ARID1B: variants seen among roughly 807,000 people sequenced by gnomAD.
ARID1B encodes the protein AT-rich interaction domain 1B.
In ARID1B, 30 loss-of-function variants were observed where a neutral mutation model predicts 212.3. That is an observed-to-expected ratio of 0.14 (90% CI 0.11 to 0.19). ARID1B has a LOEUF of 0.19. Among genes scored for constraint, ARID1B ranks in the 10% least tolerant of loss-of-function variants. ARID1B has a pLI of 1.00. For synonymous variants in ARID1B, 1,402 were observed against 1,301.7 expected (o/e 1.08, Z -1.66); for missense variants, 2,891 against 3,204.0 (o/e 0.90, Z 2.36).
Position 156,935,575 on chromosome 6 carries a change from C to T in ARID1B, c.2246C>T (p.Pro749Leu), listed in dbSNP as rs559304585. 3.1e-6 allele frequency: 5 copies of T among 1,601,376 alleles called. No homozygotes were observed. The African/African-American group carries it at 5.4e-5, about 17-fold the overall frequency. ...LIQQERPSSL[P>L]DLSGSIDDLP... ...CAGCAAGAAAGACCATCAAGTTTAC[C>T]AGTAAGACATTATTGTGCTGATTTG... The change falls in exon 4 of 20, where the codon CCA (proline) becomes CTA (leucine). Residue 749 changes from proline to leucine, a missense_variant and splice_region_variant. Pro to Leu is a moderately conservative substitution (Grantham distance 98, BLOSUM62 -3). Around this residue, in one of 7 missense-constraint regions of ARID1B, gnomAD observed 1,643 missense variants for 1,544.0 expected, o/e 1.06. Coordinates refer to ENST00000636930, the MANE Select transcript of ARID1B (RefSeq NM_001374828.1).
At chr6:156,836,638 G>GT (rs1268444923) in intron 2 of ARID1B, among the ~76,000 whole-genome samples, 3 of 152,068 alleles carry the variant, frequency 2.0e-5, no homozygotes, top group Non-Finnish European at 4.4e-5. Context: ...GTAATATTAA[G>GT]TGAATGTCTT....
Position 157,201,019 on chromosome 6 carries a change from C to T in ARID1B, c.4794C>T (p.Tyr1598=). Reference sequence around the variant, plus strand: ...CACGCAATGATATGCCTTATCCCTACCAGAACAGGCAGGGCCCTGGCGGCC... The same window carrying T: ...CACGCAATGATATGCCTTATCCCTATCAGAACAGGCAGGGCCCTGGCGGCC... ...WAARNDMPYP[Y]QNRQGPGGPT... is the part of the protein sequence containing the mutation. Residue 1598 remains tyrosine, a synonymous_variant, in exon 18 of 20, where the codon TAC becomes TAT. Coordinates refer to ENST00000636930, the MANE Select transcript of ARID1B (RefSeq NM_001374828.1). The surrounding 1 kb of genome is among the most constrained non-coding windows in gnomAD (Gnocchi z 5.2). 6.2e-7 allele frequency: 1 copy of T among 1,613,930 alleles called. No individual in the cohort carries two copies. Among genetic ancestry groups the T allele is most frequent in the Non-Finnish European group, 8.5e-7 (1 of 1,179,834 alleles).
rs1040464523 is a variant in ARID1B at position 157,207,678 on chromosome 6, C to T, written c.6906C>T (p.Leu2302=). ...AGTACCAGCAGAGCCAGCACAACCT[C>T]ATGCACATGCAGCCCCCGCCCCTGG... ...MAQYQQSQHN[L]MHMQPPPLEP... The change falls in exon 20 of 20, where the codon CTC becomes CTT. Residue 2302 remains leucine (L), a synonymous_variant. Coordinates refer to ENST00000636930, the MANE Select transcript of ARID1B (RefSeq NM_001374828.1). The surrounding 1 kb of genome is among the most constrained non-coding windows in gnomAD (Gnocchi z 8.5). The T allele has an allele frequency of 1.9e-6, 3 of 1,611,244 alleles. No individual in the cohort carries two copies. Among genetic ancestry groups the T allele is most frequent in the Non-Finnish European group, 2.5e-6 (3 of 1,177,656 alleles).
chr6:157,081,890 A>G (rs998925416), intron 4 of ARID1B, among the ~76,000 whole-genome samples: 9 of 152,188 alleles, frequency 5.9e-5, no homozygotes, highest in African/African-American at 1.7e-4. Context: ...GTTTAACTTC[A>G]TATATAGTAT....
chr6:157,206,778 C>T lies in ARID1B; in HGVS notation c.6006C>T (p.Asp2002=), dbSNP rs532832962. Residue 2002 remains aspartate (D), a synonymous_variant, in exon 20 of 20, where the codon GAC becomes GAT. Transcript: ENST00000636930. The surrounding 1 kb of genome is among the most constrained non-coding windows in gnomAD (Gnocchi z 6.8). ...AAAGCATCATAGCAACCATCGATGA[C>T]GTCCTCTCTGCTCGGCCAGGGGCAT... The part of the protein sequence containing the change: ...QEKSIIATID[D]VLSARPGALP... 1.9e-5 allele frequency: 31 copies of T among 1,613,802 alleles called. No individual in the cohort carries two copies. The highest frequency in any genetic ancestry group is 1.6e-4 in the Middle Eastern group (1 of 6,062).
chr6:156,979,697 G>T (rs1424886400), intron 4 of ARID1B, among the ~76,000 whole-genome samples: 2 of 151,842 alleles, frequency 1.3e-5, no homozygotes, highest in Non-Finnish European at 2.9e-5. Context: ...AGCTGGGACT[G>T]CAGGCGTGCA....
At chr6:156,797,206 C>A (rs1040599879) in intron 1 of ARID1B, among the ~76,000 whole-genome samples, 6 of 152,190 alleles carry the variant, frequency 3.9e-5, no homozygotes, top group African/African-American at 1.2e-4. Context: ...AAACCTAGTC[C>A]CTACTTTCAT....
chr6:157,127,922 A>C (rs1290073638), intron 6 of ARID1B, among the ~76,000 whole-genome samples: 2 of 149,870 alleles, frequency 1.3e-5, no homozygotes, highest in Non-Finnish European at 3.0e-5. Flanking sequence ...AGAGTGCTCC[A>C]CTGCACTCCA....
chr6:156,928,572 T>G (rs1329541774), intron 3 of ARID1B, among the ~76,000 whole-genome samples: 2 of 152,124 alleles, frequency 1.3e-5, no homozygotes, highest in African/African-American at 2.4e-5. Flanking sequence ...TGTAGAGATT[T>G]GGGAATCACC....
intron 4 of ARID1B, among the ~76,000 whole-genome samples, chr6:156,956,525 G>C (rs1793993530): frequency 6.6e-6 from 1 of 152,128 alleles, no homozygotes. Flanking sequence ...ACCCTCTGCT[G>C]GGTCACCATG....
intron 4 of ARID1B, among the ~76,000 whole-genome samples, chr6:157,084,141 C>G (rs999804735): frequency 6.1e-5 from 9 of 148,718 alleles, no homozygotes; most frequent in African/African-American, 1.2e-4. Flanking sequence ...TCACCTCCCC[C>G]CCAAAAAAAA....
At chr6:157,142,850 A>G (rs1483085644) in intron 7 of ARID1B, among the ~76,000 whole-genome samples, 1 of 152,032 alleles carries the variant, frequency 6.6e-6, no homozygotes. Flanking sequence ...TCCATCATAT[A>G]GGGAATGACG....
At chr6:157,086,735 A>T (rs12199581) in intron 5 of ARID1B, among the ~76,000 whole-genome samples, 61 of 152,340 alleles carry the variant, frequency 4.0e-4, no homozygotes, top group African/African-American at 1.3e-3. Context: ...CACTTCGGGC[A>T]TGTGATCCTG....
chr6:156,974,521 CA>C (rs1169316025), intron 4 of ARID1B, among the ~76,000 whole-genome samples: 1 of 152,128 alleles, frequency 6.6e-6, no homozygotes. Flanking sequence ...TCCTTGAAAA[CA>C]TAACGCAGAA....
intron 3 of ARID1B, among the ~76,000 whole-genome samples, chr6:156,905,791 G>A (rs559651606): frequency 6.6e-6 from 1 of 151,794 alleles, no homozygotes; most frequent in Admixed American, 6.6e-5. Flanking sequence ...TTTGCTATTC[G>A]TATGTGCTTA....
intron 6 of ARID1B, among the ~76,000 whole-genome samples, chr6:157,114,483 CA>C (rs1787179517): frequency 7.2e-6 from 1 of 138,880 alleles, no homozygotes; most frequent in Non-Finnish European, 1.5e-5. Flanking sequence ...GAGATCACGC[CA>C]CTGCACTCCA....
chr6:157,209,394 T>TA lies in ARID1B; in HGVS notation c.*1504dup, dbSNP rs1294187531. 8.6e-6 allele frequency: 2 copies of TA among 232,310 alleles called. No individual in the cohort carries two copies. The highest frequency in any genetic ancestry group is 4.4e-5 in the African/African-American group (2 of 45,300). 14.4% of individuals were successfully genotyped at this position (232,310 alleles called of 1,614,324 possible). On this transcript the variant is annotated 3_prime_UTR_variant, in exon 20 of 20. Coordinates refer to ENST00000636930, the MANE Select transcript of ARID1B (RefSeq NM_001374828.1). ...AAACCCTACATTTGGAAGAGACCTT[T>TA]AGGGGTTACCTACTTTAGAGTGGGG...
intron 6 of ARID1B, among the ~76,000 whole-genome samples, chr6:157,132,397 G>C (rs958878849): frequency 1.3e-5 from 2 of 152,210 alleles, no homozygotes; most frequent in Non-Finnish European, 2.9e-5. Context: ...GTTCTGCTGG[G>C]GCGCAGCAGA....
At chr6:157,107,677 A>G (rs765849000) in intron 5 of ARID1B, 2 of 152,212 alleles carry the variant, frequency 1.3e-5, no homozygotes, top group African/African-American at 4.8e-5. Context: ...TGCTTACATC[A>G]TAATAGACAT....
Sources: allele counts gnomAD v4.1 joint callset (sites outside exome capture counted in the v4.1 genomes callset), GRCh38; gene constraint gnomAD v4.1.1; regional missense constraint gnomAD v4.1.1; non-coding constraint Gnocchi (gnomAD v3.1); transcripts MANE v1.5; gene names NCBI Gene and HGNC (gene_info 2026-07-23, HGNC 2026-07-21).